Variants in RANBP2 observed in about 807,000 individuals in gnomAD.
The protein encoded by RANBP2 is E3 SUMO-protein ligase RanBP2.
RANBP2 carries 57 observed loss-of-function variants against 303.6 expected under a neutral mutation model. The observed-to-expected ratio is 0.19, with a 90% CI of 0.15 to 0.23. RANBP2 has a LOEUF of 0.23. Among genes scored for constraint, RANBP2 ranks in the 10% least tolerant of loss-of-function variants. The probability of loss-of-function intolerance (pLI) is 1.00; values close to 1 mark genes in which losing one functional copy is unlikely to be tolerated. For synonymous variants in RANBP2, 1,167 were observed against 1,301.5 expected (o/e 0.90, Z 2.23); for missense variants, 3,138 against 3,780.8 (o/e 0.83, Z 4.46).
chr2:108,993,086 T>G, the RANBP2 span, among the ~76,000 whole-genome samples: 2 of 152,116 alleles, frequency 1.3e-5, no homozygotes, highest in Non-Finnish European at 2.9e-5. Context: ...GTGCCTAAAA[T>G]ATGAGAATGG....
chr2:108,997,440 C>CAAAAAA, the RANBP2 span, among the ~76,000 whole-genome samples: 2,223 of 49,746 alleles, frequency 0.045, 540 homozygotes, highest in African/African-American at 0.14. Context: ...GACTCTGTCT[C>CAAAAAA]AAAAAAAAAA....
At chr2:109,192,116 T>C in the RANBP2 span, among the ~76,000 whole-genome samples, 3 of 152,174 alleles carry the variant, frequency 2.0e-5, no homozygotes, top group Non-Finnish European at 4.4e-5. Flanking sequence ...AATTTTGGAC[T>C]CAGAGTTCTT....
At chr2:109,694,388 T>C in the RANBP2 span, among the ~76,000 whole-genome samples, 30 of 151,222 alleles carry the variant, frequency 2.0e-4, no homozygotes, top group Admixed American at 5.3e-4. Flanking sequence ...CCTGCAGAGC[T>C]GTGAGCCAAC....
chr2:109,003,250 G>A, the RANBP2 span, among the ~76,000 whole-genome samples: 1 of 148,958 alleles, frequency 6.7e-6, no homozygotes, highest in South Asian at 2.1e-4. Flanking sequence ...AAGTACACGT[G>A]CACTTTTCTG....
At chr2:108,868,059 CAT>C in the RANBP2 span, among the ~76,000 whole-genome samples, 7 of 152,202 alleles carry the variant, frequency 4.6e-5, no homozygotes, top group Non-Finnish European at 7.3e-5. Flanking sequence ...TGATGACTAA[CAT>C]GTGGACATAA....
chr2:109,328,262 G>T, the RANBP2 span, among the ~76,000 whole-genome samples: 1 of 152,136 alleles, frequency 6.6e-6, no homozygotes, highest in African/African-American at 2.4e-5. Flanking sequence ...TTCAAATAAG[G>T]TCCACTCATG....
the RANBP2 span, among the ~76,000 whole-genome samples, chr2:108,936,275 A>T: frequency 6.6e-6 from 1 of 152,202 alleles, no homozygotes; most frequent in East Asian, 1.9e-4. Context: ...TGTAGGACGG[A>T]TGTCCCTTTT....
At chr2:109,683,269 G>C in the RANBP2 span, among the ~76,000 whole-genome samples, 1 of 152,158 alleles carries the variant, frequency 6.6e-6, no homozygotes, top group Non-Finnish European at 1.5e-5. Flanking sequence ...GCCTCCCAAA[G>C]TGCTCGGATT....
chr2:109,399,767 G>C, the RANBP2 span, among the ~76,000 whole-genome samples: 1 of 152,274 alleles, frequency 6.6e-6, no homozygotes, highest in African/African-American at 2.4e-5. Flanking sequence ...TGAATGCAGA[G>C]ACTGCAGCAG....
At chr2:108,930,921 G>A in the RANBP2 span, 2 of 1,598,894 alleles carry the variant, frequency 1.3e-6, no homozygotes, top group Non-Finnish European at 8.6e-7. Flanking sequence ...CAACCATCAT[G>A]AGGATGAGGG....
At chr2:109,666,508 T>C in the RANBP2 span, among the ~76,000 whole-genome samples, 7 of 152,224 alleles carry the variant, frequency 4.6e-5, no homozygotes, top group Non-Finnish European at 7.3e-5. Flanking sequence ...TCTGAGGCAG[T>C]TAAGAATTTT....
chr2:109,660,670 C>T, the RANBP2 span, among the ~76,000 whole-genome samples: 2 of 152,230 alleles, frequency 1.3e-5, no homozygotes, highest in South Asian at 2.1e-4. Flanking sequence ...GAGGGGCTGA[C>T]GGCTGCCAGG....
At chr2:109,489,088 T>C in the RANBP2 span, among the ~76,000 whole-genome samples, 1 of 152,222 alleles carries the variant, frequency 6.6e-6, no homozygotes, top group Non-Finnish European at 1.5e-5. Context: ...AGGCCGAGAC[T>C]CAGGCAGTGG....
the RANBP2 span, among the ~76,000 whole-genome samples, chr2:109,039,502 C>T: frequency 6.6e-6 from 1 of 152,162 alleles, no homozygotes; most frequent in Non-Finnish European, 1.5e-5. Flanking sequence ...AGGTGCATGC[C>T]ACCACGCACA....
the RANBP2 span, chr2:109,398,791 A>G: frequency 6.2e-7 from 1 of 1,613,728 alleles, no homozygotes; most frequent in Non-Finnish European, 8.5e-7. Context: ...CCACTCCTTC[A>G]CCGCGCTCAG....
the RANBP2 span, among the ~76,000 whole-genome samples, chr2:108,798,758 A>G: frequency 1.6e-5 from 2 of 126,952 alleles, no homozygotes; most frequent in Non-Finnish European, 3.2e-5. Context: ...GATCCATTTG[A>G]AAGCACATTT....
the RANBP2 span, among the ~76,000 whole-genome samples, chr2:109,761,061 A>T: frequency 9.6e-4 from 135 of 139,954 alleles, 1 homozygote; most frequent in Non-Finnish European, 1.5e-3. Context: ...GGGGAGGAAA[A>T]GAAGCGATTT....
At chr2:109,265,899 C>G in the RANBP2 span, among the ~76,000 whole-genome samples, 1 of 152,152 alleles carries the variant, frequency 6.6e-6, no homozygotes, top group Non-Finnish European at 1.5e-5. Context: ...CCAGCTGTGC[C>G]CAGTCTGAAG....
At chr2:109,456,077 C>T in the RANBP2 span, among the ~76,000 whole-genome samples, 3 of 152,358 alleles carry the variant, frequency 2.0e-5, no homozygotes, top group Middle Eastern at 6.8e-3. Context: ...CATCGCTGGG[C>T]TCCCAGGCCC....
Sources: gnomAD v4.1 joint callset for allele counts (sites outside exome capture counted in the v4.1 genomes callset) on GRCh38, gnomAD v4.1.1 for gene constraint, MANE v1.5 for transcripts, NCBI Gene and HGNC (gene_info 2026-07-23, HGNC 2026-07-21) for gene names.